The following ZCCHC8 variants were observed in gnomAD, a reference collection of about 807,000 sequenced individuals.
ZCCHC8 encodes the protein zinc finger CCHC domain-containing protein 8.
In ZCCHC8, 27 loss-of-function variants were observed where a neutral mutation model predicts 70.6. That is an observed-to-expected ratio of 0.38 (90% CI 0.28 to 0.53). The LOEUF (loss-of-function observed/expected upper bound fraction) is 0.53, where lower values mean the gene tolerates loss of function less well. Among genes scored for constraint, ZCCHC8 ranks in the 20% least tolerant of loss-of-function variants. The probability of loss-of-function intolerance (pLI) is 0.81; values close to 1 mark genes in which losing one functional copy is unlikely to be tolerated. For missense variants in ZCCHC8, 737 were observed against 876.9 expected (o/e 0.84, Z 2.01); for synonymous variants, 293 against 317.4 (o/e 0.92, Z 0.82).
chr12:122,475,412 A>G (rs1957400006), intron 13 of ZCCHC8, among the ~76,000 whole-genome samples: 1 of 152,152 alleles, frequency 6.6e-6, no homozygotes, highest in South Asian at 2.1e-4. Context: ...CTGCCCACTG[A>G]CCATCATCAC....
At chr12:122,480,094 G>A in intron 11 of ZCCHC8, 96 bp downstream of exon 11, 1 of 1,161,166 alleles carries the variant, frequency 8.6e-7, no homozygotes, top group South Asian at 1.5e-5. Context: ...TTACAGGTGT[G>A]AGCCACTATG....
rs1237207296 is a variant in ZCCHC8 at position 122,489,476 on chromosome 12, A to C, written c.424-13T>G. 6.2e-7 allele frequency: 1 copy of C among 1,612,264 alleles called. No homozygotes were observed. The highest frequency in any genetic ancestry group is 1.1e-5 in the South Asian group (1 of 90,794). On this transcript the variant is annotated splice_polypyrimidine_tract_variant and intron_variant, in intron 4 of 13. Coordinates refer to ENST00000633063, the MANE Select transcript of ZCCHC8 (RefSeq NM_017612.5). ...CAATACTGGATGGCTAATACAAAGA[A>C]AAACACATATTACAACCGGTAACCA...
At chr12:122,480,063 C>T (rs1290444125) in intron 11 of ZCCHC8, 127 bp downstream of exon 11, 6 of 814,352 alleles carry the variant, frequency 7.4e-6, no homozygotes, top group African/African-American at 1.8e-5. Context: ...CATCTTGCCT[C>T]GGACTCCCAA....
intron 10 of ZCCHC8, chr12:122,481,208 C>T (rs1229236688): frequency 2.7e-5 from 5 of 184,942 alleles, no homozygotes. Context: ...TTACATTTTA[C>T]AGGTCTCCTG....
intron 11 of ZCCHC8, among the ~76,000 whole-genome samples, 159 bp downstream of exon 11, chr12:122,480,031 C>T (rs1409836177): frequency 2.0e-5 from 3 of 152,042 alleles, no homozygotes; most frequent in East Asian, 3.8e-4. Flanking sequence ...AGGCTGGTCT[C>T]GAACTCTGGG....
rs777576564 is a variant in ZCCHC8 at position 122,473,986 on chromosome 12, C to T, written c.1635G>A (p.Val545=). The T allele has an allele frequency of 1.3e-5, 21 of 1,588,292 alleles. 1 individual carries two copies. The highest frequency in any genetic ancestry group is 9.2e-5 in the South Asian group (8 of 87,394). The change falls in exon 14 of 14, where the codon GTG becomes GTA. Residue 545 remains valine (V), a synonymous_variant. Coordinates refer to ENST00000633063, the MANE Select transcript of ZCCHC8 (RefSeq NM_017612.5). ...ESVNSDSDVP[V]DTPLTGNSVA... is the part of the protein sequence containing the mutation. ...CGGAATTGCCAGTTAAAGGTGTGTC[C>T]ACAGGAACGTCGGAGTCGCTGTTTA...
chr12:122,483,323 G>T lies in ZCCHC8; in HGVS notation c.627C>A (p.His209Gln). The change falls in exon 7 of 14, where the codon CAC becomes CAA. Residue 209 changes from histidine (H) to glutamine (Q), a missense_variant. Coordinates refer to ENST00000633063, the MANE Select transcript of ZCCHC8 (RefSeq NM_017612.5). The surrounding 1 kb of genome is among the most constrained non-coding windows in gnomAD (Gnocchi z 4.4). Reference sequence around the variant, plus strand: ...TTTCTTGCCCTTCTAGAGAAACAATGTGGCTGAAGACTTGATGGTACCTTT... The same window carrying T: ...TTTCTTGCCCTTCTAGAGAAACAATTTGGCTGAAGACTTGATGGTACCTTT... The part of the protein sequence containing the change: ...EIPKYHQVFS[H>Q]IVSLEGQEIQ... 1 of 1,600,066 alleles carries T rather than the reference G, an allele frequency of 6.2e-7. No individual in the cohort carries two copies. The highest frequency in any genetic ancestry group is 1.3e-5 in the African/African-American group (1 of 74,802).
chr12:122,495,676 C>T lies in ZCCHC8; in HGVS notation c.243-2887G>A, dbSNP rs1017684527. 1.3e-4 allele frequency among the ~76,000 whole-genome samples: 19 copies of T among 151,798 alleles called. No individual in the cohort carries two copies. In the East Asian group the frequency reaches 3.3e-3, roughly 26 times the overall value. On this transcript the variant is annotated intron_variant, in intron 2 of 13. Transcript: ENST00000633063. ...CAGCCTGACCAACATGGTGAAACCC[C>T]GTCTCTACTAAAAATACAGAAATTA...
intron 2 of ZCCHC8, among the ~76,000 whole-genome samples, chr12:122,497,140 C>A (rs923509656): frequency 6.6e-6 from 1 of 150,880 alleles, no homozygotes; most frequent in Admixed American, 6.6e-5. Flanking sequence ...GGCGACAGAG[C>A]GAGACTCCAT....
intron 5 of ZCCHC8, among the ~76,000 whole-genome samples, chr12:122,484,561 G>C (rs1462340583): frequency 6.6e-6 from 1 of 150,648 alleles, no homozygotes; most frequent in African/African-American, 2.4e-5. Flanking sequence ...ACTACACACA[G>C]CTAATTTTTT....
intron 5 of ZCCHC8, among the ~76,000 whole-genome samples, chr12:122,488,666 T>C (rs1309778827): frequency 6.6e-6 from 1 of 151,440 alleles, no homozygotes; most frequent in African/African-American, 2.4e-5. Context: ...AAGTCAGGAG[T>C]TCGAGACCAG....
At chr12:122,497,417 C>A (rs1490094105) in intron 2 of ZCCHC8, among the ~76,000 whole-genome samples, 1 of 152,022 alleles carries the variant, frequency 6.6e-6, no homozygotes, top group Non-Finnish European at 1.5e-5. Flanking sequence ...TAGTGGGCAC[C>A]TGTAATCCCA....
intron 5 of ZCCHC8, among the ~76,000 whole-genome samples, chr12:122,488,708 T>G (rs898076744): frequency 2.6e-5 from 4 of 151,588 alleles, no homozygotes; most frequent in Non-Finnish European, 4.4e-5. Context: ...CTGTCCCTAC[T>G]AAAAATACAA....
At chr12:122,489,583 A>G (rs1957709045) in intron 4 of ZCCHC8, 120 bp from the exon 5 acceptor site, 2 of 894,312 alleles carry the variant, frequency 2.2e-6, no homozygotes, top group African/African-American at 3.3e-5. Flanking sequence ...ATGTGGGAGA[A>G]TGGAAGATGT....
rs547603714 is a variant in ZCCHC8, at chr12:122,500,424, G to A, written c.199+218C>T. 4.7e-4 allele frequency: 288 copies of A among 616,256 alleles called. No homozygotes were observed. Among genetic ancestry groups the A allele is most frequent in the Non-Finnish European group, 6.6e-4 (240 of 362,264 alleles). 38.2% of individuals were successfully genotyped at this position (616,256 alleles called of 1,614,324 possible). On this transcript the variant is annotated intron_variant, in intron 1 of 13. Transcript: ENST00000633063. This position sits in a 1 kb window ranked among gnomAD's most constrained non-coding sequence, Gnocchi z 4.8. ...GCAGGAGTGGGTCTGGTCAGGAGAC[G>A]GCCTCCCTGAGGGGAAGAGGTCTGC...
chr12:122,487,731 T>C (rs1443834791), intron 5 of ZCCHC8, among the ~76,000 whole-genome samples: 1 of 152,204 alleles, frequency 6.6e-6, no homozygotes, highest in East Asian at 1.9e-4. Context: ...AATAACAACC[T>C]TTATCCTATT....
chr12:122,492,137 T>C (rs1957757274), intron 3 of ZCCHC8: 1 of 152,986 alleles, frequency 6.5e-6, no homozygotes, highest in African/African-American at 2.4e-5. Flanking sequence ...TCTATGACCA[T>C]GCTCTGAAGG....
At chr12:122,490,304 G>C (rs564513439) in intron 4 of ZCCHC8, among the ~76,000 whole-genome samples, 158 bp downstream of exon 4, 76 of 152,296 alleles carry the variant, frequency 5.0e-4, no homozygotes, top group Admixed American at 1.0e-3. Context: ...ACGCTGTGTG[G>C]CTAAACCAGT....
At chr12:122,494,433 T>A (rs1198168912) in intron 2 of ZCCHC8, among the ~76,000 whole-genome samples, 1 of 149,326 alleles carries the variant, frequency 6.7e-6, no homozygotes, top group African/African-American at 2.5e-5. Context: ...TGGTGGCACA[T>A]GCCTGTAAAC....
Sources: allele counts gnomAD v4.1 joint callset (sites outside exome capture counted in the v4.1 genomes callset), GRCh38; gene constraint gnomAD v4.1.1; non-coding constraint Gnocchi (gnomAD v3.1); transcripts MANE v1.5; gene names NCBI Gene and HGNC (gene_info 2026-07-23, HGNC 2026-07-21).